The following DLC1 variants were observed in gnomAD, a reference collection of about 807,000 sequenced individuals.
DLC1 encodes DLC1 Rho GTPase activating protein.
In DLC1, 54 loss-of-function variants were observed where a neutral mutation model predicts 140.3. The observed-to-expected ratio is 0.38, with a 90% CI of 0.31 to 0.48. The LOEUF (loss-of-function observed/expected upper bound fraction) is 0.48. Among genes scored for constraint, DLC1 ranks in the 20% least tolerant of loss-of-function variants. The probability of loss-of-function intolerance (pLI) is 0.96; values close to 1 mark genes in which losing one functional copy is unlikely to be tolerated. For missense variants in DLC1, 2,536 were observed against 1,907.0 expected (o/e 1.33, Z -6.14); for synonymous variants, 986 against 728.1 (o/e 1.35, Z -5.70).
chr8:13,508,309 G>C (rs568497694), intron 1 of DLC1, among the ~76,000 whole-genome samples: 53 of 152,284 alleles, frequency 3.5e-4, no homozygotes, highest in African/African-American at 1.3e-3. Context: ...AATATTTTAT[G>C]ATATTCTCCT....
intron 4 of DLC1, among the ~76,000 whole-genome samples, chr8:13,354,734 C>T (rs1237861897): frequency 6.8e-6 from 1 of 147,470 alleles, no homozygotes; most frequent in Non-Finnish European, 1.5e-5. Flanking sequence ...TGCTTGAGCA[C>T]AGGAGTTCAA....
rs770039533 is a variant in DLC1, at chr8:13,099,857, A to T, written c.2480T>A (p.Phe827Tyr). 2 of 1,614,108 alleles carry T rather than the reference A, an allele frequency of 1.2e-6. No homozygotes were observed. Among genetic ancestry groups the T allele is most frequent in the Admixed American group, 3.3e-5 (2 of 60,020 alleles). The change falls in exon 9 of 18, where the codon TTC (phenylalanine) becomes TAC (tyrosine). Residue 827 changes from phenylalanine (F) to tyrosine (Y), a missense_variant. Transcript: ENST00000276297. ...TFPKALTNGS[F>Y]SPSGNNGSVN... ...AGAGCCGTTATTCCCCGAGGGGGAG[A>T]AACTGCCATTGGTGAGAGCTTTGGG...
At chr8:13,258,146 A>G (rs1830329679) in intron 5 of DLC1, among the ~76,000 whole-genome samples, 1 of 152,180 alleles carries the variant, frequency 6.6e-6, no homozygotes, top group Non-Finnish European at 1.5e-5. Flanking sequence ...GGTAAGAGAA[A>G]CAAAACATTC....
chr8:13,280,352 G>A (rs1831323676), intron 5 of DLC1, among the ~76,000 whole-genome samples: 1 of 150,382 alleles, frequency 6.6e-6, no homozygotes, highest in South Asian at 2.1e-4. Flanking sequence ...TAGGTTTGCA[G>A]TTTCTTATTT....
In DLC1 at chr8:13,350,576, C is replaced by T. The variant is rs1336939321; in HGVS notation, c.1314+42977G>A. 3.9e-5 allele frequency among the ~76,000 whole-genome samples: 6 copies of T among 152,018 alleles called. No individual in the cohort carries two copies. In the East Asian group the frequency reaches 7.7e-4, roughly 20 times the overall value. On this transcript the variant is annotated intron_variant, in intron 4 of 17. Coordinates refer to ENST00000276297, the MANE Select transcript of DLC1 (RefSeq NM_182643.3). ...ACTAAAAATACAAAAATTAGCCGGG[C>T]GTGGTGGTGGCCACCTGTAATGACA...
intron 1 of DLC1, among the ~76,000 whole-genome samples, chr8:13,520,110 A>G (rs1244823346): frequency 6.6e-6 from 1 of 152,238 alleles, no homozygotes; most frequent in African/African-American, 2.4e-5. Context: ...TGACCCTGCA[A>G]TCCCATTACT....
Position 13,211,622 on chromosome 8 carries a change from A to C in DLC1, c.1348+93647T>G, listed in dbSNP as rs78288396. On this transcript the variant is annotated intron_variant, in intron 5 of 17. Transcript: ENST00000276297. The stretch of plus-strand genomic sequence containing the variant: ...TGGTCTCTTTCTAAAACTCCTTGCA[A>C]GCCACTATATCAGTTGTCAACAAAT... Among the ~76,000 whole-genome samples the C allele has an allele frequency of 1.4e-4, 22 of 152,270 alleles. No individual in the cohort carries two copies. In the East Asian group the frequency reaches 4.3e-3, roughly 29 times the overall value.
intron 1 of DLC1, among the ~76,000 whole-genome samples, chr8:13,542,322 G>T (rs1803511412): frequency 6.6e-6 from 1 of 152,084 alleles, no homozygotes; most frequent in Non-Finnish European, 1.5e-5. Flanking sequence ...TTCTTCATTG[G>T]ACTGCCTTTG....
At chr8:13,397,107 G>T (rs946941650) in intron 3 of DLC1, among the ~76,000 whole-genome samples, 1 of 152,094 alleles carries the variant, frequency 6.6e-6, no homozygotes, top group Non-Finnish European at 1.5e-5. Flanking sequence ...ATGTGTGCTA[G>T]AAGTGCTTAT....
At chr8:13,415,611 G>C (rs1010743707) in intron 2 of DLC1, among the ~76,000 whole-genome samples, 1 of 151,990 alleles carries the variant, frequency 6.6e-6, no homozygotes, top group Non-Finnish European at 1.5e-5. Flanking sequence ...GTATTAGCCA[G>C]GATGGTCTCG....
At chr8:13,524,709 G>GT (rs76587130) in intron 1 of DLC1, among the ~76,000 whole-genome samples, 3,863 of 147,356 alleles carry the variant, frequency 0.026, 73 homozygotes, top group South Asian at 0.079. Flanking sequence ...TTTCTGTTGT[G>GT]TTTTTTTTTT....
chr8:13,264,986 G>A (rs1022995389), intron 5 of DLC1, among the ~76,000 whole-genome samples: 2 of 152,312 alleles, frequency 1.3e-5, no homozygotes, highest in Non-Finnish European at 2.9e-5. Context: ...AAAGTGAACA[G>A]AGATTACCTA....
At chr8:13,229,857 G>A (rs769134762) in intron 5 of DLC1, among the ~76,000 whole-genome samples, 21 of 152,206 alleles carry the variant, frequency 1.4e-4, no homozygotes, top group Non-Finnish European at 2.6e-4. Flanking sequence ...TGCAGTTATC[G>A]GAAACATTTC....
intron 5 of DLC1, chr8:13,304,611 A>C (rs1327437060): frequency 1.6e-5 from 14 of 853,856 alleles, no homozygotes; most frequent in Non-Finnish European, 2.0e-5. Flanking sequence ...ATGTACTTCA[A>C]GTTAGATAAT....
At chr8:13,144,466 T>C (rs964048711) in intron 5 of DLC1, among the ~76,000 whole-genome samples, 1 of 152,198 alleles carries the variant, frequency 6.6e-6, no homozygotes, top group East Asian at 1.9e-4. Flanking sequence ...GACAATTCCC[T>C]TAATAAATTA....
intron 5 of DLC1, chr8:13,214,695 A>G (rs1262981471): frequency 1.3e-6 from 1 of 780,740 alleles, no homozygotes; most frequent in South Asian, 1.3e-5. Flanking sequence ...GAGACAAACC[A>G]ATTGCCACTT....
At chr8:13,570,473 G>C (rs1804613362) in intron 1 of DLC1, among the ~76,000 whole-genome samples, 1 of 119,922 alleles carries the variant, frequency 8.3e-6, no homozygotes, top group Admixed American at 1.0e-4. Context: ...AGTCCCCAGA[G>C]TGTGATATTC....
chr8:13,243,966 C>G (rs1488990258), intron 5 of DLC1, among the ~76,000 whole-genome samples: 1 of 152,196 alleles, frequency 6.6e-6, no homozygotes, highest in East Asian at 1.9e-4. Context: ...CATACTCACT[C>G]TTTTCCTCTG....
chr8:13,463,509 T>C (rs966264036), intron 2 of DLC1, among the ~76,000 whole-genome samples: 4 of 152,326 alleles, frequency 2.6e-5, no homozygotes, highest in East Asian at 1.9e-4. Context: ...TGATTTCTTA[T>C]GGATGTTTGT....
Sources: allele counts gnomAD v4.1 joint callset (sites outside exome capture counted in the v4.1 genomes callset), GRCh38; gene constraint gnomAD v4.1.1; transcripts MANE v1.5; gene names NCBI Gene and HGNC (gene_info 2026-07-23, HGNC 2026-07-21).